Variants in AGAP1 observed in about 807,000 individuals in gnomAD.
AGAP1 encodes the protein arf-GAP with GTPase, ANK repeat and PH domain-containing protein 1.
Under a neutral mutation model 105.3 loss-of-function variants are expected in AGAP1, and 29 were observed. That is an observed-to-expected ratio of 0.28 (90% CI 0.21 to 0.38). The LOEUF is 0.38. AGAP1 is among the 10% of genes least tolerant of loss of function. The probability of loss-of-function intolerance (pLI) is 1.00; values close to 1 mark genes in which losing one functional copy is unlikely to be tolerated. For synonymous variants in AGAP1, 509 were observed against 485.9 expected (o/e 1.05, Z -0.63); for missense variants, 998 against 1,165.1 (o/e 0.86, Z 2.09).
chr2:235,742,381 C>G (rs550065030), intron 4 of AGAP1, among the ~76,000 whole-genome samples: 2 of 152,122 alleles, frequency 1.3e-5, no homozygotes, highest in African/African-American at 4.8e-5. Flanking sequence ...ATGAAACAGC[C>G]GCAATAATTA....
intron 1 of AGAP1, among the ~76,000 whole-genome samples, chr2:235,546,790 C>A (rs1943636783): frequency 6.6e-6 from 1 of 152,168 alleles, no homozygotes. Context: ...TCTTTCTTGG[C>A]TAGCAAGTTA....
rs1004991994 is a variant in AGAP1 at position 236,101,798 on chromosome 2, G to A, written c.2115-18394G>A. The stretch of plus-strand genomic sequence containing the variant: ...GCGGAGTCTAGGACGGCCTCACCCC[G>A]CTGGCTCGGGCTCCCTCTCACTGGG... On this transcript the variant is annotated intron_variant, in intron 16 of 17. Coordinates refer to ENST00000304032, the MANE Select transcript of AGAP1 (RefSeq NM_001037131.3). The surrounding 1 kb of genome is among the most constrained non-coding windows in gnomAD (Gnocchi z 4.9). Among the ~76,000 whole-genome samples, 22 of 152,198 alleles carry A rather than the reference G, an allele frequency of 1.4e-4. No homozygotes were observed. The highest frequency in any genetic ancestry group is 8.8e-5 in the Non-Finnish European group (6 of 68,038).
intron 1 of AGAP1, among the ~76,000 whole-genome samples, chr2:235,516,384 CT>C: frequency 6.6e-6 from 1 of 152,214 alleles, no homozygotes; most frequent in South Asian, 2.1e-4. Flanking sequence ...CACTTTTCTA[CT>C]TTCTCCTCCA....
intron 1 of AGAP1, among the ~76,000 whole-genome samples, chr2:235,515,789 ACTT>A (rs1942353149): frequency 6.6e-6 from 1 of 152,160 alleles, no homozygotes; most frequent in Non-Finnish European, 1.5e-5. Context: ...ATTTTGAATG[ACTT>A]CTTGCAAATA....
chr2:235,781,168 T>C (rs1956238979), intron 6 of AGAP1, among the ~76,000 whole-genome samples: 2 of 152,242 alleles, frequency 1.3e-5, no homozygotes, highest in South Asian at 4.1e-4. Flanking sequence ...AAATGTACCA[T>C]TCTTGTTGAA....
Position 235,958,343 on chromosome 2 carries a change from C to T in AGAP1, c.1484-10119C>T, listed in dbSNP as rs1376171590. On this transcript the variant is annotated intron_variant, in intron 12 of 17. Coordinates refer to ENST00000304032, the MANE Select transcript of AGAP1 (RefSeq NM_001037131.3). The surrounding 1 kb of genome is among the most constrained non-coding windows in gnomAD (Gnocchi z 4.1). Reference sequence around the variant, plus strand: ...CGGGAGAGGATTAGGGCCCTGCTAACGGCAGCAGTAACAGCGGGAGTCCTT... The same window carrying T: ...CGGGAGAGGATTAGGGCCCTGCTAATGGCAGCAGTAACAGCGGGAGTCCTT... 3.3e-5 allele frequency among the ~76,000 whole-genome samples: 5 copies of T among 152,170 alleles called. No individual in the cohort carries two copies. The South Asian group carries it at 1.0e-3, about 32-fold the overall frequency.
At chr2:235,677,451 G>GGA (rs1948801428) in intron 1 of AGAP1, among the ~76,000 whole-genome samples, 1 of 152,136 alleles carries the variant, frequency 6.6e-6, no homozygotes, top group Admixed American at 6.5e-5. Context: ...GGAGTGGAAG[G>GGA]GAAAATGACG....
At position 236,045,328 on chromosome 2, in the gene AGAP1, T is replaced by G. The variant is rs1230170173; in HGVS notation, c.1892-3731T>G. On this transcript the variant is annotated intron_variant, in intron 15 of 17. Coordinates refer to ENST00000304032, the MANE Select transcript of AGAP1 (RefSeq NM_001037131.3). This position sits in a 1 kb window ranked among gnomAD's most constrained non-coding sequence, Gnocchi z 6.9. Reference sequence around the variant, plus strand: ...TCACTGCTGTATCCCCAGAAGCCAGTGTGTTAATATTGGTTGAATACGTGA... The same window carrying G: ...TCACTGCTGTATCCCCAGAAGCCAGGGTGTTAATATTGGTTGAATACGTGA... 6.6e-6 allele frequency among the ~76,000 whole-genome samples: 1 copy of G among 152,222 alleles called. No individual in the cohort carries two copies. The highest frequency in any genetic ancestry group is 1.5e-5 in the Non-Finnish European group (1 of 68,034).
rs1235377598 is a variant in AGAP1 at position 235,976,987 on chromosome 2, AC to A, written c.1645+8366del. Among the ~76,000 whole-genome samples, 3 of 152,146 alleles carry A rather than the reference AC, an allele frequency of 2.0e-5. No individual in the cohort carries two copies. The highest frequency in any genetic ancestry group is 2.9e-5 in the Non-Finnish European group (2 of 68,012). ...GCCTGCTACACAGAAGCATAAACTC[AC>A]CTTTGAAAAATGCTGACTACTCACA... On this transcript the variant is annotated intron_variant, in intron 13 of 17. Transcript: ENST00000304032. This position sits in a 1 kb window ranked among gnomAD's most constrained non-coding sequence, Gnocchi z 4.5.
chr2:236,041,752 G>A (rs1431581195), intron 15 of AGAP1, among the ~76,000 whole-genome samples: 2 of 152,202 alleles, frequency 1.3e-5, no homozygotes, highest in Non-Finnish European at 2.9e-5. Context: ...GGCGTGGTGG[G>A]TCCTGCCATC....
At chr2:235,672,660 T>G (rs1270369354) in intron 1 of AGAP1, among the ~76,000 whole-genome samples, 1 of 152,254 alleles carries the variant, frequency 6.6e-6, no homozygotes, top group Non-Finnish European at 1.5e-5. Context: ...AATAGCAGGC[T>G]TGCATCTTTG....
rs1865947 is a variant in AGAP1 at position 235,557,410 on chromosome 2, A to G, written c.163+62561A>G. Among the ~76,000 whole-genome samples, 28,590 of 152,144 alleles carry G rather than the reference A, an allele frequency of 0.19. 3,489 individuals are homozygous for G. Among genetic ancestry groups the G allele is most frequent in the African/African-American group, 0.33 (13,756 of 41,454 alleles). On this transcript the variant is annotated intron_variant, in intron 1 of 17. Coordinates refer to ENST00000304032, the MANE Select transcript of AGAP1 (RefSeq NM_001037131.3). The surrounding 1 kb of genome is among the most constrained non-coding windows in gnomAD (Gnocchi z 4.7). ...AAGGGAAATCACTCCGAAGACGGTG[A>G]TGCTGGGTACAGGCTCTGGAGTCAT...
chr2:236,078,723 C>T lies in AGAP1; in HGVS notation c.2114+29442C>T, dbSNP rs1236005317. The stretch of plus-strand genomic sequence containing the variant: ...CCTGTGGCTGGGTGCTAGATGGGAC[C>T]ATGGGACCCAAGTCCACCCTCTGGC... On this transcript the variant is annotated intron_variant, in intron 16 of 17. Coordinates refer to ENST00000304032, the MANE Select transcript of AGAP1 (RefSeq NM_001037131.3). The surrounding 1 kb of genome is among the most constrained non-coding windows in gnomAD (Gnocchi z 5.3). Among the ~76,000 whole-genome samples the T allele has an allele frequency of 6.6e-6, 1 of 152,184 alleles. No individual in the cohort carries two copies. Among genetic ancestry groups the T allele is most frequent in the African/African-American group, 2.4e-5 (1 of 41,434 alleles).
intron 1 of AGAP1, among the ~76,000 whole-genome samples, chr2:235,606,683 C>T (rs898825646): frequency 5.3e-5 from 8 of 152,168 alleles, no homozygotes; most frequent in Non-Finnish European, 8.8e-5. Flanking sequence ...CTTGGTGGCT[C>T]ACGCCTTTAA....
Position 235,728,326 on chromosome 2 carries a change from T to TGTGC in AGAP1, c.310+10683_310+10684insTGCG, listed in dbSNP as rs986896995. ...CTGTGTGTGTGTGTGTGTGTGTGTG[T>TGTGC]GCGTGCTCTTAAATCAATGTAAATT... On this transcript the variant is annotated intron_variant, in intron 3 of 17. Coordinates refer to ENST00000304032, the MANE Select transcript of AGAP1 (RefSeq NM_001037131.3). This position sits in a 1 kb window ranked among gnomAD's most constrained non-coding sequence, Gnocchi z 4.3. 2.6e-5 allele frequency among the ~76,000 whole-genome samples: 4 copies of TGTGC among 151,628 alleles called. No homozygotes were observed. The highest frequency in any genetic ancestry group is 1.9e-4 in the East Asian group (1 of 5,188).
At position 236,092,801 on chromosome 2, in the gene AGAP1, G is replaced by T. The variant is rs573250519; in HGVS notation, c.2115-27391G>T. On this transcript the variant is annotated intron_variant, in intron 16 of 17. Transcript: ENST00000304032. This position sits in a 1 kb window ranked among gnomAD's most constrained non-coding sequence, Gnocchi z 4.7. ...AGGTGGCTTCCCTTAAAAGAATCAG[G>T]GCTCCTTGGAGAAATGGCTCATTCC... Among the ~76,000 whole-genome samples the T allele has an allele frequency of 6.6e-6, 1 of 152,330 alleles. No homozygotes were observed. Among genetic ancestry groups the T allele is most frequent in the South Asian group, 2.1e-4 (1 of 4,830 alleles).
At chr2:235,583,553 ATT>A (rs763297542) in intron 1 of AGAP1, among the ~76,000 whole-genome samples, 1,720 of 128,396 alleles carry the variant, frequency 0.013, 32 homozygotes, top group African/African-American at 0.048. Flanking sequence ...TACCTGGCTA[ATT>A]TTTTTTTTTT....
In AGAP1 at chr2:236,053,963, G is replaced by A. The variant is rs2057981686; in HGVS notation, c.2114+4682G>A. 6.6e-6 allele frequency among the ~76,000 whole-genome samples: 1 copy of A among 152,020 alleles called. No individual in the cohort carries two copies. The highest frequency in any genetic ancestry group is 1.5e-5 in the Non-Finnish European group (1 of 67,998). ...CCCCATTATTTGTAAGTTCACCTCT[G>A]TGCCTAAACTCCCTTCTTGTCTTTA... On this transcript the variant is annotated intron_variant, in intron 16 of 17. Coordinates refer to ENST00000304032, the MANE Select transcript of AGAP1 (RefSeq NM_001037131.3). The surrounding 1 kb of genome is among the most constrained non-coding windows in gnomAD (Gnocchi z 4.6).
Position 235,596,673 on chromosome 2 carries a change from A to G in AGAP1, c.163+101824A>G, listed in dbSNP as rs1222306392. 6.6e-6 allele frequency among the ~76,000 whole-genome samples: 1 copy of G among 152,214 alleles called. No homozygotes were observed. Among genetic ancestry groups the G allele is most frequent in the African/African-American group, 2.4e-5 (1 of 41,442 alleles). On this transcript the variant is annotated intron_variant, in intron 1 of 17. Transcript: ENST00000304032. This position sits in a 1 kb window ranked among gnomAD's most constrained non-coding sequence, Gnocchi z 5.9. ...GTTAAATTTATTTTTAGAATAATAG[A>G]CTTTTAGATAGAAGAGAAACCTCGG... is the stretch of plus-strand genomic sequence containing the variant.
Sources: gnomAD v4.1 joint callset for allele counts (sites outside exome capture counted in the v4.1 genomes callset) on GRCh38, gnomAD v4.1.1 for gene constraint, Gnocchi (gnomAD v3.1) non-coding constraint, MANE v1.5 for transcripts, NCBI Gene and HGNC (gene_info 2026-07-23, HGNC 2026-07-21) for gene names.